The following BIRC6 variants were observed in gnomAD, a reference collection of about 807,000 sequenced individuals.
BIRC6 encodes dual E2 ubiquitin-conjugating enzyme/E3 ubiquitin-protein ligase BIRC6.
A neutral mutation model predicts 503.3 loss-of-function variants in BIRC6; 98 were observed. The ratio of observed to expected loss-of-function variants is 0.19; its 90% CI spans 0.17 to 0.23. The LOEUF (loss-of-function observed/expected upper bound fraction) is 0.23. Ranked by LOEUF, BIRC6 falls within the 10% of genes least tolerant of loss-of-function variation. BIRC6 has a pLI of 1.00. For missense variants in BIRC6, 5,360 were observed against 5,806.0 expected, an observed-to-expected ratio of 0.92 and a Z score of 2.50; for synonymous variants, 2,240 against 2,078.7, an observed-to-expected ratio of 1.08 and a Z score of -2.11.
intron 4 of BIRC6, among the ~76,000 whole-genome samples, chr2:32,391,614 CT>C: frequency 6.6e-6 from 1 of 152,264 alleles, no homozygotes; most frequent in African/African-American, 2.4e-5. Context: ...ACCACTTTTT[CT>C]TTCTGTTATC....
chr2:32,563,415 G>C (rs1461857932), intron 65 of BIRC6: 1 of 152,040 alleles, frequency 6.6e-6, no homozygotes, highest in African/African-American at 2.4e-5. Context: ...TTTTTCTAAG[G>C]CTTCATTATT....
chr2:32,422,211 AG>A (rs141775450), intron 10 of BIRC6, among the ~76,000 whole-genome samples: 2,391 of 152,320 alleles, frequency 0.016, 49 homozygotes, highest in African/African-American at 0.055. Context: ...GCATATAATT[AG>A]GTCTTGCTTT....
At chr2:32,493,373 CAA>C (rs1358054683) in intron 44 of BIRC6, among the ~76,000 whole-genome samples, 165 bp from the exon 45 acceptor site, 1 of 151,982 alleles carries the variant, frequency 6.6e-6, no homozygotes, top group Admixed American at 6.5e-5. Flanking sequence ...ATAAATACAT[CAA>C]GACCTAAAAA....
intron 65 of BIRC6, among the ~76,000 whole-genome samples, chr2:32,559,169 A>G (rs573238301): frequency 6.6e-6 from 1 of 152,342 alleles, no homozygotes; most frequent in East Asian, 1.9e-4. Context: ...AATGTCACAC[A>G]CCCGCATCTG....
At chr2:32,528,561 C>T (rs1189793251) in intron 59 of BIRC6, 2 of 152,236 alleles carry the variant, frequency 1.3e-5, no homozygotes, top group Non-Finnish European at 1.5e-5. Flanking sequence ...AACAGGTATC[C>T]TGGTGATGCT....
At chr2:32,487,367 GA>G (rs919238850) in intron 40 of BIRC6, among the ~76,000 whole-genome samples, 1 of 151,794 alleles carries the variant, frequency 6.6e-6, no homozygotes, top group African/African-American at 2.4e-5. Context: ...TTATTAATTG[GA>G]AAAAAATGCA....
At chr2:32,559,895 T>A (rs6747809) in intron 65 of BIRC6, among the ~76,000 whole-genome samples, 151,598 of 151,598 alleles carry the variant, frequency 1, 75,799 homozygotes, top group Non-Finnish European at 1. Flanking sequence ...GGGTGCCTGT[T>A]ATCCCAGCTG....
chr2:32,412,987 G>T (rs948301152), intron 9 of BIRC6, among the ~76,000 whole-genome samples: 1 of 151,152 alleles, frequency 6.6e-6, no homozygotes. Context: ...ATTGCCAAGA[G>T]AATATATTTT....
chr2:32,494,689 C>A (rs2052218655), intron 45 of BIRC6, among the ~76,000 whole-genome samples: 1 of 151,788 alleles, frequency 6.6e-6, no homozygotes, highest in Non-Finnish European at 1.5e-5. Context: ...ATCGCTTAAG[C>A]CCAGGAGTTT....
chr2:32,382,436 A>G (rs990546128), intron 3 of BIRC6, among the ~76,000 whole-genome samples: 6 of 151,850 alleles, frequency 4.0e-5, no homozygotes, highest in African/African-American at 7.2e-5. Context: ...GCTGATGGCA[A>G]TGGCCAGTAA....
intron 35 of BIRC6, 95 bp from the exon 36 acceptor site, chr2:32,478,540 A>ATTG (rs1376035143): frequency 1.1e-5 from 12 of 1,082,686 alleles, no homozygotes; most frequent in Non-Finnish European, 1.4e-5. Flanking sequence ...GTTGAAACCT[A>ATTG]TTGTTCAGTG....
At chr2:32,450,918 C>T (rs897529922) in intron 22 of BIRC6, among the ~76,000 whole-genome samples, 6 of 152,300 alleles carry the variant, frequency 3.9e-5, no homozygotes, top group African/African-American at 1.2e-4. Flanking sequence ...CTGTAACAGA[C>T]TCAGCCATTC....
At chr2:32,563,740 T>A (rs1005350698) in intron 65 of BIRC6, 1 of 152,162 alleles carries the variant, frequency 6.6e-6, no homozygotes, top group Non-Finnish European at 1.5e-5. Context: ...GTACAACTGT[T>A]ACCAAAGTGA....
chr2:32,566,350 A>G (rs756893981), intron 65 of BIRC6: 1 of 152,076 alleles, frequency 6.6e-6, no homozygotes, highest in African/African-American at 2.4e-5. Context: ...GCAGCTTCCC[A>G]TGCCCGGCTA....
intron 5 of BIRC6, among the ~76,000 whole-genome samples, chr2:32,393,026 G>A (rs1434817285): frequency 1.3e-5 from 2 of 151,970 alleles, no homozygotes; most frequent in Non-Finnish European, 2.9e-5. Flanking sequence ...TTTATTTCCA[G>A]TGTTTGACAT....
intron 6 of BIRC6, among the ~76,000 whole-genome samples, chr2:32,397,885 T>A (rs62136278): frequency 0.082 from 12,463 of 151,928 alleles, 645 homozygotes; most frequent in Admixed American, 0.16. Flanking sequence ...AAACCCATGT[T>A]TTCTTGACAT....
intron 65 of BIRC6, among the ~76,000 whole-genome samples, 181 bp from the exon 66 acceptor site, chr2:32,574,975 C>G (rs113569963): frequency 6.6e-6 from 1 of 152,108 alleles, no homozygotes; most frequent in South Asian, 2.1e-4. Flanking sequence ...CTCGAACTCC[C>G]GACCTCGGGT....
At chr2:32,474,865 T>G (rs1349467741) in intron 33 of BIRC6, among the ~76,000 whole-genome samples, 2 of 152,142 alleles carry the variant, frequency 1.3e-5, no homozygotes, top group Non-Finnish European at 2.9e-5. Context: ...AGGATAGAGT[T>G]TTTTTCATCT....
chr2:32,461,028 T>C (rs985090879), intron 23 of BIRC6, among the ~76,000 whole-genome samples: 17 of 70,644 alleles, frequency 2.4e-4, no homozygotes, highest in Admixed American at 1.7e-3. Context: ...TTCTCTTCTC[T>C]TCTCTTCTCT....
Sources: allele counts gnomAD v4.1 joint callset (sites outside exome capture counted in the v4.1 genomes callset), GRCh38; gene constraint gnomAD v4.1.1; transcripts MANE v1.5; gene names NCBI Gene and HGNC (gene_info 2026-07-23, HGNC 2026-07-21).